Variants in ANGPT1 observed in about 807,000 individuals in gnomAD.
ANGPT1 encodes angiopoietin-1.
In ANGPT1, 17 loss-of-function variants were observed where a neutral mutation model predicts 62.2. The ratio of observed to expected loss-of-function variants is 0.27; its 90% CI spans 0.19 to 0.41. ANGPT1 has a LOEUF of 0.41. Ranked by LOEUF, ANGPT1 falls within the 10% of genes least tolerant of loss-of-function variation. ANGPT1 has a pLI of 1.00. For missense variants in ANGPT1, 478 were observed against 594.9 expected (o/e 0.80, Z 2.04); for synonymous variants, 199 against 198.9 (o/e 1.00, Z 0.00).
At chr8:107,484,311 A>T (rs1300868261) in intron 1 of ANGPT1, among the ~76,000 whole-genome samples, 1 of 152,220 alleles carries the variant, frequency 6.6e-6, no homozygotes, top group Non-Finnish European at 1.5e-5. Context: ...AGTGGGTTTG[A>T]TAATACCTGC....
intron 1 of ANGPT1, among the ~76,000 whole-genome samples, chr8:107,460,971 C>T (rs1157247736): frequency 6.6e-6 from 1 of 152,082 alleles, no homozygotes; most frequent in East Asian, 1.9e-4. Context: ...CCTCTGGTTG[C>T]CTGACTCTCC....
chr8:107,278,281 G>A (rs1238467893), intron 7 of ANGPT1, among the ~76,000 whole-genome samples: 13 of 151,894 alleles, frequency 8.6e-5, no homozygotes, highest in African/African-American at 1.2e-4. Context: ...CAAAGTTCTC[G>A]CTATGTTGCC....
chr8:107,422,769 T>C (rs183278809), intron 1 of ANGPT1, among the ~76,000 whole-genome samples: 1 of 152,306 alleles, frequency 6.6e-6, no homozygotes, highest in East Asian at 1.9e-4. Context: ...AACAAATCGG[T>C]CCATTAACTG....
chr8:107,461,014 T>C (rs1042400979), intron 1 of ANGPT1, among the ~76,000 whole-genome samples: 2 of 152,170 alleles, frequency 1.3e-5, no homozygotes, highest in African/African-American at 2.4e-5. Context: ...CACATTGCAG[T>C]GTGACAGATA....
At chr8:107,431,029 G>T (rs1811171557) in intron 1 of ANGPT1, among the ~76,000 whole-genome samples, 2 of 152,202 alleles carry the variant, frequency 1.3e-5, no homozygotes, top group South Asian at 4.1e-4. Context: ...TGTACTAATT[G>T]CTATCTGAAC....
chr8:107,492,727 C>T (rs1812996176), intron 1 of ANGPT1, among the ~76,000 whole-genome samples: 1 of 150,376 alleles, frequency 6.6e-6, no homozygotes, highest in Admixed American at 6.7e-5. Context: ...ACAGCCACCA[C>T]CGGCCACCAA....
At chr8:107,252,748 A>G (rs1813274814) in intron 8 of ANGPT1, among the ~76,000 whole-genome samples, 1 of 152,238 alleles carries the variant, frequency 6.6e-6, no homozygotes, top group Non-Finnish European at 1.5e-5. Flanking sequence ...CTATGCTTGT[A>G]TAGCTCTCTA....
chr8:107,400,759 C>T (rs1375753083), intron 1 of ANGPT1, among the ~76,000 whole-genome samples: 1 of 151,974 alleles, frequency 6.6e-6, no homozygotes, highest in African/African-American at 2.4e-5. Context: ...GGGTTTTCAC[C>T]ATATTGGTCA....
chr8:107,308,820 T>C (rs7011605), intron 4 of ANGPT1, among the ~76,000 whole-genome samples: 26,523 of 152,128 alleles, frequency 0.17, 2,563 homozygotes, highest in Middle Eastern at 0.3. Context: ...TGTCTGTCTT[T>C]CACCAGCCAA....
chr8:107,325,688 G>T (rs774160651), intron 3 of ANGPT1, among the ~76,000 whole-genome samples: 4 of 152,046 alleles, frequency 2.6e-5, no homozygotes, highest in African/African-American at 4.8e-5. Context: ...TTTATTTTTA[G>T]AGAATAAAAA....
chr8:107,319,512 CAT>C (rs985136313), intron 4 of ANGPT1, among the ~76,000 whole-genome samples: 2 of 151,460 alleles, frequency 1.3e-5, no homozygotes, highest in African/African-American at 2.4e-5. Flanking sequence ...GAAATATTTG[CAT>C]ATATATAAAT....
chr8:107,258,196 C>T (rs1444174266), intron 8 of ANGPT1, among the ~76,000 whole-genome samples: 2 of 151,908 alleles, frequency 1.3e-5, no homozygotes, highest in Non-Finnish European at 2.9e-5. Flanking sequence ...GAATGTCATC[C>T]CTTTTAATGG....
At chr8:107,399,579 A>C (rs1175976172) in intron 1 of ANGPT1, among the ~76,000 whole-genome samples, 1 of 152,154 alleles carries the variant, frequency 6.6e-6, no homozygotes, top group African/African-American at 2.4e-5. Flanking sequence ...AGAAACAGTA[A>C]AGGCCTTTCA....
intron 1 of ANGPT1, among the ~76,000 whole-genome samples, chr8:107,407,835 G>A (rs1817180727): frequency 6.6e-6 from 1 of 152,110 alleles, no homozygotes; most frequent in South Asian, 2.1e-4. Flanking sequence ...AGTCAATTTT[G>A]CATCTTGCTA....
chr8:107,472,496 G>A (rs779700485), intron 1 of ANGPT1, among the ~76,000 whole-genome samples: 4 of 151,930 alleles, frequency 2.6e-5, no homozygotes, highest in Non-Finnish European at 5.9e-5. Flanking sequence ...AACCTTATAG[G>A]CTAAGAAAGG....
intron 6 of ANGPT1, among the ~76,000 whole-genome samples, chr8:107,286,273 T>C (rs62512818): frequency 0.3 from 44,917 of 152,120 alleles, 7,507 homozygotes; most frequent in Admixed American, 0.4. Context: ...AGTTAAATAT[T>C]AGTGGGAAAA....
rs1812240316 is a variant in ANGPT1 at position 107,467,715 on chromosome 8, G to T, written c.297+29547C>A. 1.3e-5 allele frequency among the ~76,000 whole-genome samples: 2 copies of T among 152,010 alleles called. 1 individual carries two copies. The highest frequency in any genetic ancestry group is 2.9e-5 in the Non-Finnish European group (2 of 67,978). ...TTTAAGGTAAAATTGACCACACAAT[G>T]GCAATTAAGAACAGATAAAAAAGAA... On this transcript the variant is annotated intron_variant, in intron 1 of 8. Transcript: ENST00000517746.
rs1813812000 is a variant in ANGPT1, at chr8:107,274,444, T to C, written c.1206-10093A>G. Among the ~76,000 whole-genome samples the C allele has an allele frequency of 2.0e-5, 3 of 152,266 alleles. No individual in the cohort carries two copies. The South Asian group carries it at 6.2e-4, about 32-fold the overall frequency. ...AGCCAGTTAAGAGAAATGAACAATG[T>C]ATGCTGTGGGACAATTTTATTAATT... On this transcript the variant is annotated intron_variant, in intron 7 of 8. Coordinates refer to ENST00000517746, the MANE Select transcript of ANGPT1 (RefSeq NM_001146.5).
At chr8:107,258,877 T>C (rs929794000) in intron 8 of ANGPT1, among the ~76,000 whole-genome samples, 9 of 152,192 alleles carry the variant, frequency 5.9e-5, no homozygotes, top group Non-Finnish European at 1.2e-4. Flanking sequence ...CTAACATTCA[T>C]TTATGTATTT....
Sources: allele counts gnomAD v4.1 joint callset (sites outside exome capture counted in the v4.1 genomes callset), GRCh38; gene constraint gnomAD v4.1.1; transcripts MANE v1.5; gene names NCBI Gene and HGNC (gene_info 2026-07-23, HGNC 2026-07-21).